The following BACE1 variants were observed in gnomAD, a reference collection of about 807,000 sequenced individuals.
BACE1 encodes APP beta-secretase.
Under a neutral mutation model 54.0 loss-of-function variants are expected in BACE1, and 21 were observed. That is an observed-to-expected ratio of 0.39 (90% CI 0.28 to 0.56). The LOEUF is 0.56. Ranked by LOEUF, BACE1 falls within the 20% of genes least tolerant of loss-of-function variation. The pLI, the probability that BACE1 is intolerant of heterozygous loss-of-function variation, is 0.63. For missense variants in BACE1, 511 were observed against 661.2 expected (o/e 0.77, Z 2.49); for synonymous variants, 232 against 260.9 (o/e 0.89, Z 1.07).
Position 117,315,812 on chromosome 11 carries a change from C to T in BACE1, c.-17G>A. The T allele has an allele frequency of 1.4e-6, 2 of 1,394,702 alleles. No homozygotes were observed. Among genetic ancestry groups the T allele is most frequent in the Non-Finnish European group, 1.8e-6 (2 of 1,083,732 alleles). 86.4% of individuals were successfully genotyped at this position (1,394,702 alleles called of 1,614,324 possible). On this transcript the variant is annotated 5_prime_UTR_variant, in exon 1 of 9. Coordinates refer to ENST00000313005, the MANE Select transcript of BACE1 (RefSeq NM_012104.6). This position sits in a 1 kb window ranked among gnomAD's most constrained non-coding sequence, Gnocchi z 5.5. ...TTGGGCCATGGTGGGCCCCGGCCTT[C>T]GGGCCCTCTGGGCTCGCACTGGCCC...
At chr11:117,311,578 G>A (rs1235173604) in intron 1 of BACE1, among the ~76,000 whole-genome samples, 1 of 152,092 alleles carries the variant, frequency 6.6e-6, no homozygotes, top group African/African-American at 2.4e-5. Flanking sequence ...TTGTCATAGA[G>A]GGCCTCACAC....
chr11:117,306,953 G>A (rs1031763631), intron 1 of BACE1, among the ~76,000 whole-genome samples: 5 of 152,182 alleles, frequency 3.3e-5, no homozygotes, highest in Admixed American at 6.5e-5. Flanking sequence ...CAGAGGATAA[G>A]TTGGCATGGG....
At chr11:117,311,789 C>A (rs571295245) in intron 1 of BACE1, among the ~76,000 whole-genome samples, 258 of 152,178 alleles carry the variant, frequency 1.7e-3, no homozygotes, top group Non-Finnish European at 3.4e-3. Context: ...TACAGGCACG[C>A]GCCACCACAC....
In BACE1 at chr11:117,293,444, A is replaced by G. The variant is rs1321357279; in HGVS notation, c.706-256T>C. ...CAGCCCTTGATATAAAGTTATTTAA[A>G]TCTAAACTGCCACAATAAATGTTGA... On this transcript the variant is annotated intron_variant, in intron 4 of 8. Coordinates refer to ENST00000313005, the MANE Select transcript of BACE1 (RefSeq NM_012104.6). The surrounding 1 kb of genome is among the most constrained non-coding windows in gnomAD (Gnocchi z 4.1). 2.9e-6 allele frequency: 1 copy of G among 340,596 alleles called. No homozygotes were observed. Among genetic ancestry groups the G allele is most frequent in the Non-Finnish European group, 5.2e-6 (1 of 191,852 alleles). The allele number at this position is 340,596 out of a possible 1,614,324, so 21.1% of individuals were successfully genotyped here.
chr11:117,299,135 T>C (rs561903807), intron 1 of BACE1, among the ~76,000 whole-genome samples: 6 of 152,218 alleles, frequency 3.9e-5, no homozygotes, highest in African/African-American at 1.2e-4. Context: ...TCTTCCTCCT[T>C]TGATGGCCTG....
rs918433316 is a variant in BACE1, at chr11:117,287,510, T to C, written c.*2056A>G. 34 of 152,708 alleles carry C rather than the reference T, an allele frequency of 2.2e-4. No individual in the cohort carries two copies. Among genetic ancestry groups the C allele is most frequent in the African/African-American group, 8.2e-4 (34 of 41,570 alleles). The allele number at this position is 152,708 out of a possible 1,614,324, so 9.5% of individuals were successfully genotyped here. ...AAGTAACTGTAAAAAGAAAAACAAG[T>C]GCAAGTTTTCTTTAAAAAAATAATA... On this transcript the variant is annotated 3_prime_UTR_variant, in exon 9 of 9. Transcript: ENST00000313005.
intron 2 of BACE1, among the ~76,000 whole-genome samples, chr11:117,296,457 C>T (rs925858682): frequency 1.7e-4 from 26 of 152,158 alleles, no homozygotes; most frequent in African/African-American, 6.3e-4. Context: ...AAGAACACAG[C>T]AAGGGGAGCC....
intron 3 of BACE1, among the ~76,000 whole-genome samples, chr11:117,294,624 C>G (rs1034206823): frequency 3.3e-5 from 5 of 151,766 alleles, no homozygotes; most frequent in African/African-American, 2.4e-5. Flanking sequence ...TGGTTCATGC[C>G]TGTAATCCCA....
intron 1 of BACE1, among the ~76,000 whole-genome samples, chr11:117,305,900 A>G (rs569176743): frequency 9.2e-5 from 14 of 152,044 alleles, no homozygotes; most frequent in East Asian, 7.8e-4. Flanking sequence ...GCCGGGCGTG[A>G]TGGCAGGCGC....
At chr11:117,300,866 TAAAAC>T (rs2034709541) in intron 1 of BACE1, among the ~76,000 whole-genome samples, 1 of 152,060 alleles carries the variant, frequency 6.6e-6, no homozygotes, top group South Asian at 2.1e-4. Flanking sequence ...ATCTCTTCAT[TAAAAC>T]AAAAACAAAA....
At chr11:117,294,219 CTT>C (rs113659541) in intron 3 of BACE1, 2,805 of 273,864 alleles carry the variant, frequency 0.01, no homozygotes, top group South Asian at 0.015. Flanking sequence ...ATTCATAGAT[CTT>C]TTTTTTTTTT....
At chr11:117,300,358 G>A (rs143887900) in intron 1 of BACE1, among the ~76,000 whole-genome samples, 3 of 152,272 alleles carry the variant, frequency 2.0e-5, no homozygotes, top group African/African-American at 4.8e-5. Flanking sequence ...GTGTGCTCCC[G>A]CCCGAGAGAA....
chr11:117,294,764 A>G (rs2034552976), intron 3 of BACE1, among the ~76,000 whole-genome samples: 1 of 151,662 alleles, frequency 6.6e-6, no homozygotes, highest in South Asian at 2.1e-4. Context: ...GGGCGCCTAT[A>G]ATCCCAGCTA....
chr11:117,293,466 TTGAA>T lies in BACE1; in HGVS notation c.706-282_706-279del. The T allele has an allele frequency of 3.1e-6, 1 of 318,438 alleles. No homozygotes were observed. The highest frequency in any genetic ancestry group is 5.6e-6 in the Non-Finnish European group (1 of 177,602). The allele number at this position is 318,438 out of a possible 1,614,324, so 19.7% of individuals were successfully genotyped here. On this transcript the variant is annotated intron_variant, in intron 4 of 8. Coordinates refer to ENST00000313005, the MANE Select transcript of BACE1 (RefSeq NM_012104.6). The surrounding 1 kb of genome is among the most constrained non-coding windows in gnomAD (Gnocchi z 4.1). ...TAAATCTAAACTGCCACAATAAATGTTGAATGAATGGTTATTTGTTTATATTATA... is the reference window on the plus strand; with the variant it reads ...TAAATCTAAACTGCCACAATAAATGTTGAATGGTTATTTGTTTATATTATA...
chr11:117,304,766 A>T (rs781680255), intron 1 of BACE1, among the ~76,000 whole-genome samples: 3 of 151,988 alleles, frequency 2.0e-5, no homozygotes, highest in Non-Finnish European at 4.4e-5. Flanking sequence ...TCTACCACTC[A>T]CACTTTTAAT....
intron 2 of BACE1, among the ~76,000 whole-genome samples, chr11:117,296,412 G>A (rs574839262): frequency 6.6e-6 from 1 of 152,212 alleles, no homozygotes; most frequent in South Asian, 2.1e-4. Flanking sequence ...TCATGTCCTT[G>A]GACTATGCAA....
In BACE1 at chr11:117,291,651, C is replaced by T. The variant is rs1392603778; in HGVS notation, c.942+61G>A. 4.1e-6 allele frequency: 5 copies of T among 1,231,244 alleles called. No individual in the cohort carries two copies. In the South Asian group the frequency reaches 4.9e-5, roughly 12 times the overall value. The allele number at this position is 1,231,244 out of a possible 1,614,324, so 76.3% of individuals were successfully genotyped here. ...TCTTGGCTGTTGCTGAAGAATGTGACTCTCACCGCCTCCCTCTGACACTGT... is the reference window on the plus strand; with the variant it reads ...TCTTGGCTGTTGCTGAAGAATGTGATTCTCACCGCCTCCCTCTGACACTGT... On this transcript the variant is annotated intron_variant, in intron 6 of 8. Transcript: ENST00000313005.
At position 117,287,578 on chromosome 11, in the gene BACE1, T is replaced by G. The variant is rs1002881195; in HGVS notation, c.*1988A>C. The G allele has an allele frequency of 6.6e-6, 1 of 152,464 alleles. No homozygotes were observed. Among genetic ancestry groups the G allele is most frequent in the Non-Finnish European group, 1.5e-5 (1 of 68,032 alleles). The allele number at this position is 152,464 out of a possible 1,614,324, so 9.4% of individuals were successfully genotyped here. ...ATCGAAGGGGTTGAGTTTTATGCCCTGGAAAGGGCTGGGAAAAAGCCAGTT... is the reference window on the plus strand; with the variant it reads ...ATCGAAGGGGTTGAGTTTTATGCCCGGGAAAGGGCTGGGAAAAAGCCAGTT... On this transcript the variant is annotated 3_prime_UTR_variant, in exon 9 of 9. Transcript: ENST00000313005.
chr11:117,289,468 C>T lies in BACE1; in HGVS notation c.*98G>A, dbSNP rs2034350640. The stretch of plus-strand genomic sequence containing the variant: ...GGTGGGTGGGGAGGGTCCTGAGGTG[C>T]TCTGGCCACAGGTGCCATCTGTGTC... On this transcript the variant is annotated 3_prime_UTR_variant, in exon 9 of 9. Coordinates refer to ENST00000313005, the MANE Select transcript of BACE1 (RefSeq NM_012104.6). The T allele has an allele frequency of 2.0e-6, 3 of 1,511,776 alleles. No homozygotes were observed. Among genetic ancestry groups the T allele is most frequent in the Non-Finnish European group, 2.7e-6 (3 of 1,127,984 alleles). 93.6% of individuals were successfully genotyped at this position (1,511,776 alleles called of 1,614,324 possible).
Sources: gnomAD v4.1 joint callset for allele counts (sites outside exome capture counted in the v4.1 genomes callset) on GRCh38, gnomAD v4.1.1 for gene constraint, Gnocchi (gnomAD v3.1) non-coding constraint, MANE v1.5 for transcripts, NCBI Gene and HGNC (gene_info 2026-07-23, HGNC 2026-07-21) for gene names.